The following TMEM26 variants were observed in gnomAD, a reference collection of about 807,000 sequenced individuals.
TMEM26 encodes the protein transmembrane protein 26.
A neutral mutation model predicts 28.8 loss-of-function variants in TMEM26; 38 were observed. That is an observed-to-expected ratio of 1.32 (90% CI 1.02 to 1.73). The LOEUF (loss-of-function observed/expected upper bound fraction) is 1.73. Among genes scored for constraint, TMEM26 ranks in the 40% most tolerant of loss-of-function variants. TMEM26 has a pLI of 0.00. For missense variants in TMEM26, 518 were observed against 447.1 expected (o/e 1.16, Z -1.43); for synonymous variants, 227 against 182.9 (o/e 1.24, Z -1.95).
intron 4 of TMEM26, among the ~76,000 whole-genome samples, chr10:61,422,304 G>A (rs554542900): frequency 1.3e-5 from 2 of 152,002 alleles, no homozygotes; most frequent in African/African-American, 4.8e-5. Flanking sequence ...ATCAAGCAAG[G>A]TGATGTAACT....
At chr10:61,417,630 A>T (rs958977812) in intron 4 of TMEM26, among the ~76,000 whole-genome samples, 5 of 152,020 alleles carry the variant, frequency 3.3e-5, no homozygotes, top group Admixed American at 1.3e-4. Context: ...ACACAATGTA[A>T]ACATAAGAAG....
chr10:61,438,510 T>A (rs1161595792), intron 1 of TMEM26, among the ~76,000 whole-genome samples: 1 of 152,102 alleles, frequency 6.6e-6, no homozygotes, highest in Non-Finnish European at 1.5e-5. Context: ...CTAACAATAA[T>A]GTAACAATAA....
intron 4 of TMEM26, among the ~76,000 whole-genome samples, chr10:61,423,287 C>A (rs1436269375): frequency 6.6e-6 from 1 of 152,028 alleles, no homozygotes; most frequent in Non-Finnish European, 1.5e-5. Flanking sequence ...GAAATAAGAC[C>A]AAACCTATGT....
intron 1 of TMEM26, among the ~76,000 whole-genome samples, chr10:61,444,356 A>G (rs914919965): frequency 1.3e-5 from 2 of 152,222 alleles, no homozygotes; most frequent in Non-Finnish European, 2.9e-5. Flanking sequence ...AATAAAATGC[A>G]TTATAATTGT....
chr10:61,419,614 T>C (rs1486540331), intron 4 of TMEM26, among the ~76,000 whole-genome samples: 5 of 151,938 alleles, frequency 3.3e-5, no homozygotes, highest in Non-Finnish European at 7.4e-5. Context: ...ACCTAGAAGA[T>C]AGATCAATAA....
At chr10:61,445,719 C>T (rs916654687) in intron 1 of TMEM26, among the ~76,000 whole-genome samples, 4 of 151,820 alleles carry the variant, frequency 2.6e-5, no homozygotes, top group Non-Finnish European at 4.4e-5. Context: ...TTTAACAAAA[C>T]ATTTTATATA....
intron 5 of TMEM26, chr10:61,413,042 A>G (rs977868048): frequency 8.9e-7 from 1 of 1,124,716 alleles, no homozygotes; most frequent in Middle Eastern, 3.0e-4. Flanking sequence ...AATAAGAAAT[A>G]AAACTTTTAT....
Position 61,429,091 on chromosome 10 carries a change from C to T in TMEM26, c.440G>A (p.Gly147Glu). Residue 147 changes from glycine (G) to glutamate (E), a missense_variant, in exon 4 of 6, where the codon GGA (glycine) becomes GAA (glutamate). Coordinates refer to ENST00000399298, the MANE Select transcript of TMEM26 (RefSeq NM_178505.8). Reference protein sequence around the residue: ...STVCEKVWTLGLHQTFLLMLI... With the variant: ...STVCEKVWTLELHQTFLLMLI... ...CATTAACAGGAATGTCTGATGGAGT[C>T]CCAATGTCCAAACTTTCTCACATAC... 6.2e-7 allele frequency: 1 copy of T among 1,613,242 alleles called. No homozygotes were observed. Among genetic ancestry groups the T allele is most frequent in the Non-Finnish European group, 8.5e-7 (1 of 1,179,446 alleles).
At chr10:61,425,800 T>C (rs531986615) in intron 4 of TMEM26, among the ~76,000 whole-genome samples, 3 of 152,224 alleles carry the variant, frequency 2.0e-5, no homozygotes, top group Non-Finnish European at 2.9e-5. Flanking sequence ...GGATGGTTGA[T>C]AAGGATGCAG....
rs1018848486 is a variant in TMEM26, at chr10:61,447,998, C to A, written c.191+4893G>T. On this transcript the variant is annotated intron_variant, in intron 1 of 5. Coordinates refer to ENST00000399298, the MANE Select transcript of TMEM26 (RefSeq NM_178505.8). Reference sequence around the variant, plus strand: ...CCCCTTGACTAAAATGTGAGGTTTGCGAGGGCAGAATTTTGCCTGTTTATT... The same window carrying A: ...CCCCTTGACTAAAATGTGAGGTTTGAGAGGGCAGAATTTTGCCTGTTTATT... Among the ~76,000 whole-genome samples, 6 of 152,234 alleles carry A rather than the reference C, an allele frequency of 3.9e-5. No individual in the cohort carries two copies. In the South Asian group the frequency reaches 1.2e-3, roughly 32 times the overall value.
intron 1 of TMEM26, among the ~76,000 whole-genome samples, chr10:61,439,530 C>T (rs531658888): frequency 1.8e-4 from 27 of 152,310 alleles, no homozygotes; most frequent in African/African-American, 6.5e-4. Flanking sequence ...GGTCTGGTAT[C>T]AAGTAACCTC....
At chr10:61,432,821 A>G (rs543235919) in intron 2 of TMEM26, among the ~76,000 whole-genome samples, 2 of 152,276 alleles carry the variant, frequency 1.3e-5, no homozygotes, top group South Asian at 2.1e-4. Flanking sequence ...GACAAGAATA[A>G]TTAAGAAAAA....
At chr10:61,441,823 A>G (rs1404888702) in intron 1 of TMEM26, among the ~76,000 whole-genome samples, 2 of 152,212 alleles carry the variant, frequency 1.3e-5, no homozygotes, top group Non-Finnish European at 2.9e-5. Flanking sequence ...AACTTGTCCA[A>G]TATGAATTCT....
intron 1 of TMEM26, among the ~76,000 whole-genome samples, chr10:61,444,339 C>T (rs1426561563): frequency 6.6e-6 from 1 of 152,094 alleles, no homozygotes; most frequent in Non-Finnish European, 1.5e-5. Context: ...TTAATGCTCT[C>T]TGAGAAAATA....
chr10:61,452,119 G>A lies in TMEM26; in HGVS notation c.191+772C>T, dbSNP rs180680648. Among the ~76,000 whole-genome samples, 33 of 152,270 alleles carry A rather than the reference G, an allele frequency of 2.2e-4. No individual in the cohort carries two copies. In the East Asian group the frequency reaches 6.4e-3, roughly 29 times the overall value. On this transcript the variant is annotated intron_variant, in intron 1 of 5. Coordinates refer to ENST00000399298, the MANE Select transcript of TMEM26 (RefSeq NM_178505.8). ...GGTTGGGGGAGGCTCTTCGTCAATGGCAAGAGAATCTTTTTCTCAATTATT... is the reference window on the plus strand; with the variant it reads ...GGTTGGGGGAGGCTCTTCGTCAATGACAAGAGAATCTTTTTCTCAATTATT...
chr10:61,452,211 G>A (rs931196409), intron 1 of TMEM26, among the ~76,000 whole-genome samples: 9 of 152,336 alleles, frequency 5.9e-5, no homozygotes, highest in African/African-American at 2.2e-4. Context: ...ATTGCACACA[G>A]ACGTTAAGAC....
intron 1 of TMEM26, among the ~76,000 whole-genome samples, chr10:61,439,241 C>G (rs543556301): frequency 2.2e-4 from 33 of 152,162 alleles, no homozygotes; most frequent in Admixed American, 2.2e-3. Context: ...ACATGCTGTA[C>G]TGTTTTATAG....
rs757700999 is a variant in TMEM26 at position 61,453,062 on chromosome 10, A to G, written c.20T>C (p.Leu7Pro). Residue 7 changes from leucine to proline, a missense_variant, in exon 1 of 6, where the codon CTT becomes CCT. By Grantham distance (98) the Leu-to-Pro change is moderately conservative. Transcript: ENST00000399298. MEGLVF[L>P]NALATRLLFL... is the part of the protein sequence containing the mutation. The stretch of plus-strand genomic sequence containing the variant: ...CAGCAACCGAGTGGCCAGGGCGTTA[A>G]GGAAGACCAGTCCCTCCATGCTGGC... 6.8e-6 allele frequency: 11 copies of G among 1,613,228 alleles called. No individual in the cohort carries two copies. Among genetic ancestry groups the G allele is most frequent in the Non-Finnish European group, 9.3e-6 (11 of 1,179,922 alleles).
chr10:61,417,592 A>C (rs1839674652), intron 4 of TMEM26, among the ~76,000 whole-genome samples: 1 of 151,962 alleles, frequency 6.6e-6, no homozygotes, highest in Non-Finnish European at 1.5e-5. Context: ...AAAAGAGATT[A>C]GCCTCAACTC....
Sources: allele counts gnomAD v4.1 joint callset (sites outside exome capture counted in the v4.1 genomes callset), GRCh38; gene constraint gnomAD v4.1.1; transcripts MANE v1.5; gene names NCBI Gene and HGNC (gene_info 2026-07-23, HGNC 2026-07-21).